The following DRG1 variants were observed in gnomAD, a reference collection of about 807,000 sequenced individuals.
DRG1 encodes the protein developmentally regulated GTP binding protein 1.
In DRG1, 19 loss-of-function variants were observed where a neutral mutation model predicts 38.8. That is an observed-to-expected ratio of 0.49 (90% CI 0.34 to 0.72). The LOEUF (loss-of-function observed/expected upper bound fraction) is 0.72, where lower values mean the gene tolerates loss of function less well. Among genes scored for constraint, DRG1 ranks in the 30% least tolerant of loss-of-function variants. The pLI, the probability that DRG1 is intolerant of heterozygous loss-of-function variation, is 0.01. For missense variants in DRG1, 299 were observed against 444.8 expected (o/e 0.67, Z 2.95); for synonymous variants, 167 against 157.5 (o/e 1.06, Z -0.45).
chr22:31,419,545 A>G (rs1024079804), intron 4 of DRG1, among the ~76,000 whole-genome samples: 3 of 152,026 alleles, frequency 2.0e-5, no homozygotes, highest in Admixed American at 6.6e-5. Flanking sequence ...CGTGCAAACT[A>G]TGGTGGCAGA....
intron 3 of DRG1, among the ~76,000 whole-genome samples, chr22:31,410,505 C>CTT (rs1171192390): frequency 1.3e-5 from 2 of 151,768 alleles, no homozygotes; most frequent in South Asian, 4.2e-4. Context: ...TCTCCCAAAA[C>CTT]TAACAGACAA....
intron 3 of DRG1, among the ~76,000 whole-genome samples, chr22:31,409,230 G>A (rs1165230723): frequency 6.6e-6 from 1 of 152,070 alleles, no homozygotes; most frequent in Non-Finnish European, 1.5e-5. Context: ...GATTACAGGT[G>A]TGTGCCACCA....
intron 6 of DRG1, among the ~76,000 whole-genome samples, chr22:31,424,488 C>CTTTTTTTTTTTT (rs398036881): frequency 2.8e-5 from 2 of 71,396 alleles, no homozygotes; most frequent in Non-Finnish European, 4.7e-5. Context: ...GCTTTGGTTT[C>CTTTTTTTTTTTT]TTTTTTTTTT....
intron 8 of DRG1, among the ~76,000 whole-genome samples, chr22:31,428,106 C>T (rs181397782): frequency 1.3e-5 from 2 of 152,330 alleles, no homozygotes; most frequent in African/African-American, 4.8e-5. Flanking sequence ...CCTGCTTCAG[C>T]CTCCCAAAGT....
At position 31,434,435 on chromosome 22, in the gene DRG1, T is replaced by G. The variant is rs3091392; in HGVS notation, c.*464T>G. The G allele has an allele frequency of 6.4e-6, 1 of 157,024 alleles. No homozygotes were observed. Among genetic ancestry groups the G allele is most frequent in the African/African-American group, 2.4e-5 (1 of 41,434 alleles). 9.7% of individuals were successfully genotyped at this position (157,024 alleles called of 1,614,324 possible). A position where few individuals can be genotyped will look rare whatever the true frequency, so the allele number is the denominator to read the frequency against. ...AGAGGAAGGACTTTATGTAAGTTAA[T>G]TGATCACTCCCCGCAAGGCTAACCT... On this transcript the variant is annotated 3_prime_UTR_variant, in exon 9 of 9. Transcript: ENST00000331457.
chr22:31,404,499 C>A (rs981801014), intron 3 of DRG1, among the ~76,000 whole-genome samples: 2 of 152,004 alleles, frequency 1.3e-5, no homozygotes, highest in African/African-American at 2.4e-5. Context: ...CTCAGCCTCC[C>A]AAAGTGCTGG....
chr22:31,428,354 G>A (rs1380371207), intron 8 of DRG1, among the ~76,000 whole-genome samples: 1 of 152,048 alleles, frequency 6.6e-6, no homozygotes. Flanking sequence ...TGGGACTACA[G>A]GTGCCCGCCA....
chr22:31,431,858 A>G (rs1241090972), intron 8 of DRG1, among the ~76,000 whole-genome samples: 1 of 152,148 alleles, frequency 6.6e-6, no homozygotes, highest in African/African-American at 2.4e-5. Flanking sequence ...CTTTTGTAAA[A>G]AGTTAAACAC....
intron 6 of DRG1, 113 bp downstream of exon 6, chr22:31,423,523 CTTTTTTTTTTT>C (rs1229925627): frequency 1.0e-5 from 5 of 478,548 alleles, no homozygotes; most frequent in East Asian, 5.2e-5. Flanking sequence ...GTCCTACTGT[CTTTTTTTTTTT>C]TTTTTTTTTT....
chr22:31,420,620 T>C (rs1235370483), intron 5 of DRG1, among the ~76,000 whole-genome samples, 195 bp downstream of exon 5: 1 of 152,228 alleles, frequency 6.6e-6, no homozygotes, highest in East Asian at 1.9e-4. Flanking sequence ...TTACCTTTGC[T>C]ACTTATTTCC....
At chr22:31,431,313 C>T (rs1419410766) in intron 8 of DRG1, among the ~76,000 whole-genome samples, 1 of 151,980 alleles carries the variant, frequency 6.6e-6, no homozygotes, top group Non-Finnish European at 1.5e-5. Context: ...GGATTACAGG[C>T]GTGAGCCACT....
intron 4 of DRG1, among the ~76,000 whole-genome samples, chr22:31,419,105 G>A (rs943355056): frequency 1.3e-5 from 2 of 152,000 alleles, no homozygotes; most frequent in Non-Finnish European, 1.5e-5. Context: ...ATGAGCTCCC[G>A]TGCCCAGCTG....
chr22:31,410,370 G>A (rs1289309897), intron 3 of DRG1, among the ~76,000 whole-genome samples: 3 of 151,770 alleles, frequency 2.0e-5, no homozygotes, highest in Non-Finnish European at 2.9e-5. Flanking sequence ...CAGAAGAATC[G>A]CTTGAACCCG....
chr22:31,421,771 A>C (rs111359761), intron 5 of DRG1, among the ~76,000 whole-genome samples: 2 of 152,232 alleles, frequency 1.3e-5, no homozygotes, highest in African/African-American at 4.8e-5. Flanking sequence ...GTGATTATCA[A>C]CTTTAATGTC....
intron 3 of DRG1, among the ~76,000 whole-genome samples, chr22:31,406,037 TTG>T (rs2145859332): frequency 6.8e-6 from 1 of 147,776 alleles, no homozygotes; most frequent in South Asian, 2.2e-4. Context: ...CGAAGTCTCA[TTG>T]TGTTGCCCAA....
At chr22:31,404,434 G>A (rs1218384702) in intron 3 of DRG1, among the ~76,000 whole-genome samples, 1 of 151,798 alleles carries the variant, frequency 6.6e-6, no homozygotes, top group African/African-American at 2.4e-5. Context: ...TAGAGACGGG[G>A]TTTCACCATG....
At chr22:31,414,125 C>A (rs920163821) in intron 4 of DRG1, among the ~76,000 whole-genome samples, 1 of 152,118 alleles carries the variant, frequency 6.6e-6, no homozygotes. Context: ...TGTGGATTGC[C>A]CCAACACCTA....
chr22:31,429,776 G>C (rs1467144807), intron 8 of DRG1, among the ~76,000 whole-genome samples: 1 of 152,012 alleles, frequency 6.6e-6, no homozygotes, highest in East Asian at 1.9e-4. Context: ...CTCCTGAGTA[G>C]TTGGAACTCC....
chr22:31,405,456 G>T (rs1210618383), intron 3 of DRG1, among the ~76,000 whole-genome samples: 1 of 151,510 alleles, frequency 6.6e-6, no homozygotes, highest in East Asian at 1.9e-4. Context: ...TTGAGCCACC[G>T]TGCCTGGCCG....
Sources: allele counts gnomAD v4.1 joint callset (sites outside exome capture counted in the v4.1 genomes callset), GRCh38; gene constraint gnomAD v4.1.1; transcripts MANE v1.5; gene names NCBI Gene and HGNC (gene_info 2026-07-23, HGNC 2026-07-21).